AQP7B: variants seen among roughly 807,000 people sequenced by gnomAD.
AQP7B encodes putative aquaporin-7B.
At chr2:94,588,082 G>A in the AQP7B span, among the ~76,000 whole-genome samples, 2 of 152,020 alleles carry the variant, frequency 1.3e-5, no homozygotes, top group Non-Finnish European at 2.9e-5. Context: ...GTGTGTGTGT[G>A]TGCATGTGTG....
chr2:94,604,393 G>A, the AQP7B span: 419 of 1,611,548 alleles, frequency 2.6e-4, no homozygotes, highest in Non-Finnish European at 3.4e-4. Context: ...TCCCACGGGA[G>A]CCCCTGAAAT....
At chr2:94,603,402 G>A in the AQP7B span, 240 of 1,607,146 alleles carry the variant, frequency 1.5e-4, no homozygotes, top group Admixed American at 2.0e-4. Context: ...TCCACTTTTC[G>A]GGTGGAGAGC....
At chr2:94,594,956 C>T in the AQP7B span, 6 of 789,582 alleles carry the variant, frequency 7.6e-6, no homozygotes, top group Non-Finnish European at 1.3e-5. Flanking sequence ...CCATGGGTCA[C>T]ATTGTCCATT....
chr2:94,601,452 G>A, the AQP7B span, among the ~76,000 whole-genome samples: 27 of 152,322 alleles, frequency 1.8e-4, no homozygotes, highest in Admixed American at 1.5e-3. Flanking sequence ...GAATTTTAGC[G>A]CATCAGGCAT....
the AQP7B span, chr2:94,602,514 C>T: frequency 8.1e-6 from 13 of 1,605,504 alleles, no homozygotes; most frequent in Non-Finnish European, 1.1e-5. Flanking sequence ...GGTTCTGTGG[C>T]CCATATGGTT....
the AQP7B span, among the ~76,000 whole-genome samples, chr2:94,602,798 C>T: frequency 6.6e-6 from 1 of 152,178 alleles, no homozygotes; most frequent in African/African-American, 2.4e-5. Context: ...TTTCTGGGCC[C>T]CCCTGACCTA....
the AQP7B span, chr2:94,604,377 C>G: frequency 1.2e-6 from 2 of 1,611,548 alleles, no homozygotes; most frequent in Non-Finnish European, 1.7e-6. Context: ...TTCATTGGCT[C>G]CACCATCCCA....
At chr2:94,590,938 C>T in the AQP7B span, among the ~76,000 whole-genome samples, 3 of 112,136 alleles carry the variant, frequency 2.7e-5, no homozygotes, top group Non-Finnish European at 5.2e-5. Flanking sequence ...GAGTGAGACC[C>T]TGTCTCAAAA....
At chr2:94,592,268 C>T in the AQP7B span, among the ~76,000 whole-genome samples, 4 of 152,158 alleles carry the variant, frequency 2.6e-5, no homozygotes, top group African/African-American at 9.7e-5. Flanking sequence ...CTAAATTCCC[C>T]TGACCTCGCA....
At chr2:94,590,572 G>C in the AQP7B span, among the ~76,000 whole-genome samples, 41 of 152,188 alleles carry the variant, frequency 2.7e-4, no homozygotes, top group East Asian at 6.8e-3. Flanking sequence ...TGGTTGACTG[G>C]TTGATTAGAT....
chr2:94,594,009 A>G, the AQP7B span, among the ~76,000 whole-genome samples: 1 of 152,126 alleles, frequency 6.6e-6, no homozygotes, highest in East Asian at 1.9e-4. Flanking sequence ...CACTCATTCA[A>G]CAAATATTTA....
chr2:94,602,745 T>C, the AQP7B span: 1 of 1,016,776 alleles, frequency 9.8e-7, no homozygotes, highest in Non-Finnish European at 1.4e-6. Flanking sequence ...CAGGAGGAAG[T>C]CTCCTCTGAA....
At chr2:94,588,984 T>C in the AQP7B span, among the ~76,000 whole-genome samples, 1 of 129,526 alleles carries the variant, frequency 7.7e-6, no homozygotes, top group African/African-American at 3.1e-5. Flanking sequence ...TTTTTTTTTC[T>C]TTTTTTTTTT....
the AQP7B span, among the ~76,000 whole-genome samples, chr2:94,595,442 A>G: frequency 6.6e-6 from 1 of 151,794 alleles, no homozygotes; most frequent in Non-Finnish European, 1.5e-5. Flanking sequence ...TCTCAAAAAG[A>G]AAAAAAAGAA....
the AQP7B span, among the ~76,000 whole-genome samples, chr2:94,598,545 C>A: frequency 6.6e-6 from 1 of 152,168 alleles, no homozygotes; most frequent in Non-Finnish European, 1.5e-5. Flanking sequence ...GCGGTGGGGA[C>A]TTTGGCTGGC....
chr2:94,603,694 A>G, the AQP7B span: 3 of 1,408,760 alleles, frequency 2.1e-6, no homozygotes, highest in Admixed American at 2.3e-5. Context: ...GTGAGCTGCC[A>G]CAGCATCTGC....
chr2:94,604,020 G>A, the AQP7B span: 46 of 843,366 alleles, frequency 5.5e-5, no homozygotes, highest in Admixed American at 5.1e-4. Context: ...GGCAGCACAG[G>A]AGGGTCCTGC....
the AQP7B span, chr2:94,603,026 G>A: frequency 6.3e-7 from 1 of 1,593,226 alleles, no homozygotes. Context: ...ACACTTGCCT[G>A]CTGCCCGCAG....
chr2:94,590,423 A>G, the AQP7B span, among the ~76,000 whole-genome samples: 2 of 151,944 alleles, frequency 1.3e-5, no homozygotes, highest in Admixed American at 1.3e-4. Flanking sequence ...CCTGACCTCA[A>G]GTGATCCACC....
Sources: gnomAD v4.1 joint callset for allele counts (sites outside exome capture counted in the v4.1 genomes callset) on GRCh38, gnomAD v4.1.1 for gene constraint, MANE v1.5 for transcripts, NCBI Gene and HGNC (gene_info 2026-07-23, HGNC 2026-07-21) for gene names.